Variants in CNTN6 observed in about 807,000 individuals in gnomAD.
The protein encoded by CNTN6 is contactin-6.
A neutral mutation model predicts 122.8 loss-of-function variants in CNTN6; 137 were observed. The observed-to-expected ratio is 1.12, with a 90% CI of 0.97 to 1.29. The LOEUF (loss-of-function observed/expected upper bound fraction) is 1.29, where lower values mean the gene tolerates loss of function less well. Among genes scored for constraint, CNTN6 ranks in the 50% most tolerant of loss-of-function variants. The pLI, the probability that CNTN6 is intolerant of heterozygous loss-of-function variation, is 0.00. For missense variants in CNTN6, 1,634 were observed against 1,223.4 expected (o/e 1.34, Z -5.01); for synonymous variants, 570 against 426.0 (o/e 1.34, Z -4.16).
At chr3:1,256,677 T>C (rs1436896833) in intron 4 of CNTN6, among the ~76,000 whole-genome samples, 1 of 152,020 alleles carries the variant, frequency 6.6e-6, no homozygotes, top group African/African-American at 2.4e-5. Context: ...AGACAAAAAA[T>C]AAATCCCAAA....
chr3:1,255,812 T>A (rs1178782566), intron 4 of CNTN6, among the ~76,000 whole-genome samples: 1 of 152,006 alleles, frequency 6.6e-6, no homozygotes, highest in Non-Finnish European at 1.5e-5. Flanking sequence ...AGTAGCTGGG[T>A]CCACAAGCTT....
chr3:1,245,209 T>TAAC (rs1284687552), intron 4 of CNTN6, among the ~76,000 whole-genome samples: 3 of 19,884 alleles, frequency 1.5e-4, no homozygotes, highest in South Asian at 3.8e-3. Context: ...TATATATATA[T>TAAC]ATATATATAT....
intron 2 of CNTN6, among the ~76,000 whole-genome samples, chr3:1,162,403 GA>G (rs61497309): frequency 0.17 from 25,962 of 151,644 alleles, 2,664 homozygotes; most frequent in African/African-American, 0.27. Flanking sequence ...GAAGGGAGGG[GA>G]AAAAAAACCC....
intron 4 of CNTN6, among the ~76,000 whole-genome samples, chr3:1,246,610 T>A (rs2094586171): frequency 1.3e-5 from 2 of 152,154 alleles, no homozygotes; most frequent in Non-Finnish European, 2.9e-5. Flanking sequence ...AACACCAAAT[T>A]GTTGTCTATA....
chr3:1,305,023 C>T (rs1698127081), intron 7 of CNTN6, among the ~76,000 whole-genome samples: 1 of 140,856 alleles, frequency 7.1e-6, no homozygotes, highest in Non-Finnish European at 1.6e-5. Flanking sequence ...AAAAGATAAA[C>T]TTGTAAAAAT....
At chr3:1,222,203 C>T (rs58693837) in intron 3 of CNTN6, among the ~76,000 whole-genome samples, 14,105 of 152,144 alleles carry the variant, frequency 0.093, 1,490 homozygotes, top group East Asian at 0.46. Context: ...GGGGAAGATC[C>T]TTCACTTTGC....
chr3:1,314,484 G>T (rs1699823892), intron 7 of CNTN6, among the ~76,000 whole-genome samples: 1 of 151,962 alleles, frequency 6.6e-6, no homozygotes, highest in South Asian at 2.1e-4. Flanking sequence ...AGAAATCCAG[G>T]GGAGAAATAC....
intron 1 of CNTN6, among the ~76,000 whole-genome samples, chr3:1,128,001 T>G (rs2092224123): frequency 1.3e-5 from 2 of 151,950 alleles, no homozygotes; most frequent in Admixed American, 1.3e-4. Context: ...TATTAGGGAA[T>G]GGCTGACCAC....
chr3:1,390,666 G>A lies in CNTN6; in HGVS notation c.2704+4869G>A, dbSNP rs573368278. 3.3e-5 allele frequency among the ~76,000 whole-genome samples: 5 copies of A among 152,098 alleles called. No homozygotes were observed. The South Asian group carries it at 6.2e-4, about 19-fold the overall frequency. On this transcript the variant is annotated intron_variant, in intron 20 of 22. Coordinates refer to ENST00000446702, the MANE Select transcript of CNTN6 (RefSeq NM_001289080.2). ...AACAAAATTGATAGACCGCTAGCAA[G>A]ACTAATAAAGAAAAAGAGAAGAATC...
intron 8 of CNTN6, among the ~76,000 whole-genome samples, chr3:1,324,413 A>G (rs904154849): frequency 1.5e-4 from 22 of 149,626 alleles, no homozygotes; most frequent in Non-Finnish European, 3.2e-4. Flanking sequence ...TGCGTTGTAG[A>G]TGTAACCTGA....
intron 2 of CNTN6, among the ~76,000 whole-genome samples, chr3:1,156,273 C>G (rs2092959745): frequency 6.6e-6 from 1 of 152,188 alleles, no homozygotes; most frequent in African/African-American, 2.4e-5. Context: ...TCTGATTAAT[C>G]CTCCCAGTAA....
intron 20 of CNTN6, among the ~76,000 whole-genome samples, chr3:1,387,666 A>AG (rs939373545): frequency 2.9e-4 from 44 of 152,242 alleles, no homozygotes; most frequent in Admixed American, 1.8e-3. Flanking sequence ...TCATCTCACT[A>AG]GGGGGTGCCA....
At chr3:1,124,582 G>T (rs2092088616) in intron 1 of CNTN6, among the ~76,000 whole-genome samples, 2 of 151,656 alleles carry the variant, frequency 1.3e-5, no homozygotes, top group Admixed American at 1.3e-4. Flanking sequence ...ACACATATTG[G>T]GTATAGTGTA....
intron 1 of CNTN6, among the ~76,000 whole-genome samples, chr3:1,136,648 G>A (rs931962891): frequency 1.3e-5 from 2 of 152,120 alleles, no homozygotes; most frequent in Non-Finnish European, 2.9e-5. Context: ...CAGGGTGGGA[G>A]TCCTCAATTT....
intron 1 of CNTN6, among the ~76,000 whole-genome samples, chr3:1,099,586 T>C (rs1225074641): frequency 1.3e-5 from 2 of 152,344 alleles, no homozygotes; most frequent in East Asian, 3.9e-4. Context: ...ATTGCAGTGT[T>C]CTATTATCAC....
chr3:1,162,010 T>C (rs1464595158), intron 2 of CNTN6, among the ~76,000 whole-genome samples: 1 of 152,134 alleles, frequency 6.6e-6, no homozygotes, highest in East Asian at 1.9e-4. Flanking sequence ...AATCTGAAGA[T>C]ACCTAATAGT....
intron 11 of CNTN6, among the ~76,000 whole-genome samples, chr3:1,349,224 AT>A: frequency 6.6e-6 from 1 of 151,962 alleles, no homozygotes; most frequent in East Asian, 1.9e-4. Flanking sequence ...TCAACCTTAA[AT>A]CCTCATATAA....
At chr3:1,301,227 G>C (rs1203235586) in intron 7 of CNTN6, among the ~76,000 whole-genome samples, 1 of 151,880 alleles carries the variant, frequency 6.6e-6, no homozygotes, top group African/African-American at 2.4e-5. Context: ...AGTAGAGGCG[G>C]AGTTTCACTG....
chr3:1,187,611 T>TGAA (rs2125368479), intron 2 of CNTN6, among the ~76,000 whole-genome samples: 2 of 152,322 alleles, frequency 1.3e-5, no homozygotes, highest in South Asian at 4.1e-4. Flanking sequence ...TGGGGTGGTC[T>TGAA]GAAGTGTCAC....
Sources: allele counts gnomAD v4.1 joint callset (sites outside exome capture counted in the v4.1 genomes callset), GRCh38; gene constraint gnomAD v4.1.1; transcripts MANE v1.5; gene names NCBI Gene and HGNC (gene_info 2026-07-23, HGNC 2026-07-21).